C16orf96: variants seen among roughly 807,000 people sequenced by gnomAD.
C16orf96 encodes uncharacterized protein C16orf96.
Under a neutral mutation model 103.6 loss-of-function variants are expected in C16orf96, and 108 were observed. That is an observed-to-expected ratio of 1.04 (90% CI 0.89 to 1.22). The LOEUF (loss-of-function observed/expected upper bound fraction) is 1.22. Among genes scored for constraint, C16orf96 ranks in the 50% most tolerant of loss-of-function variants. The pLI, the probability that C16orf96 is intolerant of heterozygous loss-of-function variation, is 0.00. For synonymous variants in C16orf96, 566 were observed against 593.5 expected (o/e 0.95, Z 0.67); for missense variants, 1,586 against 1,464.2 (o/e 1.08, Z -1.36).
the C16orf96 span, among the ~76,000 whole-genome samples, chr16:4,542,662 G>A: frequency 6.6e-6 from 1 of 151,976 alleles, no homozygotes; most frequent in Non-Finnish European, 1.5e-5. Flanking sequence ...GCTTGACATG[G>A]TGGCAGGCGC....
chr16:4,552,866 A>G (rs1390316205), upstream of C16orf96, among the ~76,000 whole-genome samples: 1 of 152,182 alleles, frequency 6.6e-6, no homozygotes, highest in African/African-American at 2.4e-5. Context: ...ATTATTCTAA[A>G]AGAAACATGA....
the C16orf96 span, among the ~76,000 whole-genome samples, chr16:4,546,455 G>A: frequency 9.3e-6 from 1 of 107,250 alleles, no homozygotes; most frequent in African/African-American, 2.9e-5. Flanking sequence ...ACCGCGCCCG[G>A]ACTTTTTTTT....
At chr16:4,599,645 C>T (rs956955219) in intron 15 of C16orf96, among the ~76,000 whole-genome samples, 2 of 152,358 alleles carry the variant, frequency 1.3e-5, no homozygotes, top group South Asian at 2.1e-4. Flanking sequence ...GTTCGGATCA[C>T]CACGTAGCAG....
At chr16:4,580,307 A>AC (rs1420902342) in intron 7 of C16orf96, among the ~76,000 whole-genome samples, 182 bp downstream of exon 7, 109 of 69,244 alleles carry the variant, frequency 1.6e-3, no homozygotes, top group Admixed American at 3.9e-3. Flanking sequence ...AACGAATCCC[A>AC]CCACCCCCCC....
At chr16:4,550,330 C>T in the C16orf96 span, among the ~76,000 whole-genome samples, 1 of 152,068 alleles carries the variant, frequency 6.6e-6, no homozygotes, top group Non-Finnish European at 1.5e-5. Flanking sequence ...CGTGATCCGC[C>T]CATCTCAGCC....
intron 1 of C16orf96, 37 bp from the exon 2 acceptor site, chr16:4,571,524 C>T: frequency 6.6e-7 from 1 of 1,522,772 alleles, no homozygotes; most frequent in Non-Finnish European, 8.9e-7. Flanking sequence ...CTCCCCCAGC[C>T]ATACCCGGCT....
At position 4,576,308 on chromosome 16, in the gene C16orf96, G is replaced by A. The variant is rs1211563987; in HGVS notation, c.1828G>A (p.Asp610Asn). The A allele has an allele frequency of 1.3e-6, 2 of 1,550,796 alleles. No homozygotes were observed. The highest frequency in any genetic ancestry group is 1.4e-5 in the African/African-American group (1 of 73,200). ...CACCAAAATGGCCGCCATTGCAACA[G>A]ACACGGCTGCAGCTGGGCCCCTAGG... ...PATKMAAIATDTAAAGPLGVF... is the reference protein window; with the variant it reads ...PATKMAAIATNTAAAGPLGVF... Residue 610 changes from aspartate (D) to asparagine (N), a missense_variant, in exon 5 of 16, where the codon GAC (aspartate) becomes AAC (asparagine). By Grantham distance (23) the Asp-to-Asn change is conservative (BLOSUM62 1). Transcript: ENST00000444310.
the C16orf96 span, among the ~76,000 whole-genome samples, chr16:4,548,411 G>A: frequency 6.6e-6 from 1 of 152,140 alleles, no homozygotes; most frequent in Non-Finnish European, 1.5e-5. Context: ...CCATAATTGG[G>A]GCAGCAGGAG....
chr16:4,587,529 CAA>C lies in C16orf96; in HGVS notation c.2427+434_2427+435del, dbSNP rs59504956. ...GGCAACAAGAGCAAAAACTCTGTCT[CAA>C]AAAAAAAAAAAAAAAAAGAAAGAAA... is the stretch of plus-strand genomic sequence containing the variant. On this transcript the variant is annotated intron_variant, in intron 8 of 15. Coordinates refer to ENST00000444310, the MANE Select transcript of C16orf96 (RefSeq NM_001145011.2). Among the ~76,000 whole-genome samples, 956 of 118,646 alleles carry C rather than the reference CAA, an allele frequency of 8.1e-3. 8 individuals carry two copies. The highest frequency in any genetic ancestry group is 0.028 in the African/African-American group (896 of 31,544). The allele number at this position is 118,646 out of a possible 152,430, so 77.8% of individuals were successfully genotyped here. A position where few individuals can be genotyped will look rare whatever the true frequency, so the allele number is the denominator to read the frequency against.
intron 12 of C16orf96, among the ~76,000 whole-genome samples, chr16:4,594,129 A>G (rs1165489291): frequency 6.6e-6 from 1 of 152,210 alleles, no homozygotes; most frequent in Non-Finnish European, 1.5e-5. Flanking sequence ...CCAAAGGGAA[A>G]TGGCTGGGTC....
At chr16:4,582,230 G>A (rs868794740) in intron 7 of C16orf96, among the ~76,000 whole-genome samples, 13 of 151,752 alleles carry the variant, frequency 8.6e-5, no homozygotes, top group Admixed American at 4.6e-4. Flanking sequence ...TGCAGTGAGC[G>A]AAGATTGCGC....
At chr16:4,584,083 C>G (rs1442224557) in intron 7 of C16orf96, among the ~76,000 whole-genome samples, 2 of 152,180 alleles carry the variant, frequency 1.3e-5, no homozygotes, top group African/African-American at 4.8e-5. Context: ...CGATAGCAAT[C>G]CTCTAGATGA....
chr16:4,562,895 T>C (rs990564312), intron 1 of C16orf96: 1 of 1,418,128 alleles, frequency 7.1e-7, no homozygotes, highest in South Asian at 1.2e-5. Context: ...AAATACCTTT[T>C]CTTCCTGGTT....
chr16:4,596,289 A>T (rs894793629), intron 14 of C16orf96, among the ~76,000 whole-genome samples: 2 of 152,108 alleles, frequency 1.3e-5, no homozygotes, highest in African/African-American at 2.4e-5. Context: ...GTTCAAGACT[A>T]GCCTGAACAA....
At chr16:4,588,053 C>G in intron 8 of C16orf96, 114 bp from the exon 9 acceptor site, 1 of 1,106,448 alleles carries the variant, frequency 9.0e-7, no homozygotes, top group Non-Finnish European at 1.2e-6. Context: ...TAAGCCAAGG[C>G]TAAAAGTCCA....
At chr16:4,542,893 C>G in the C16orf96 span, among the ~76,000 whole-genome samples, 1 of 152,138 alleles carries the variant, frequency 6.6e-6, no homozygotes, top group East Asian at 1.9e-4. Flanking sequence ...CAATTTGGAG[C>G]AGTCACATTT....
the C16orf96 span, among the ~76,000 whole-genome samples, chr16:4,549,041 CTTAGT>C: frequency 6.6e-6 from 1 of 151,948 alleles, no homozygotes; most frequent in South Asian, 2.1e-4. Context: ...GTTTATCTCT[CTTAGT>C]TTAGTTCTTT....
intron 1 of C16orf96, among the ~76,000 whole-genome samples, chr16:4,564,470 A>G (rs2059366435): frequency 6.6e-6 from 1 of 152,146 alleles, no homozygotes; most frequent in South Asian, 2.1e-4. Context: ...AGAAACTACA[A>G]AGCACCTGCT....
At chr16:4,579,614 A>ATT (rs143473771) in intron 6 of C16orf96, among the ~76,000 whole-genome samples, 2 of 117,626 alleles carry the variant, frequency 1.7e-5, no homozygotes, top group African/African-American at 6.5e-5. Flanking sequence ...CTGATACCTT[A>ATT]TTTTTTTTTT....
Sources: gnomAD v4.1 joint callset for allele counts (sites outside exome capture counted in the v4.1 genomes callset) on GRCh38, gnomAD v4.1.1 for gene constraint, MANE v1.5 for transcripts, NCBI Gene and HGNC (gene_info 2026-07-23, HGNC 2026-07-21) for gene names.